GALNT13: variants seen among roughly 807,000 people sequenced by gnomAD.
GALNT13 encodes the protein UDP-GalNAc:polypeptide N-acetylgalactosaminyltransferase 13.
A neutral mutation model predicts 64.2 loss-of-function variants in GALNT13; 28 were observed. The observed-to-expected ratio is 0.44, with a 90% CI of 0.32 to 0.60. GALNT13 has a LOEUF of 0.60. GALNT13 is among the 20% of genes least tolerant of loss of function. The probability of loss-of-function intolerance (pLI) is 0.05; values close to 1 mark genes in which losing one functional copy is unlikely to be tolerated. For synonymous variants in GALNT13, 214 were observed against 224.6 expected (o/e 0.95, Z 0.42); for missense variants, 577 against 669.8 (o/e 0.86, Z 1.53).
At chr2:153,238,280 T>G in the GALNT13 span, among the ~76,000 whole-genome samples, 1 of 152,066 alleles carries the variant, frequency 6.6e-6, no homozygotes, top group African/African-American at 2.4e-5. Context: ...ATTCTGTGGG[T>G]GGTTCTCTTC....
chr2:153,382,677 G>C, the GALNT13 span, among the ~76,000 whole-genome samples: 2 of 151,876 alleles, frequency 1.3e-5, no homozygotes, highest in Non-Finnish European at 2.9e-5. Flanking sequence ...TTTTTTACTG[G>C]TTGTGTAACT....
intron 3 of GALNT13, among the ~76,000 whole-genome samples, chr2:154,098,248 G>A (rs2105456302): frequency 6.6e-6 from 1 of 151,912 alleles, no homozygotes; most frequent in Admixed American, 6.6e-5. Flanking sequence ...ATGGTTATGA[G>A]GTTAACATCT....
At chr2:154,210,812 TAAGA>T (rs956489065) in intron 4 of GALNT13, among the ~76,000 whole-genome samples, 2 of 152,100 alleles carry the variant, frequency 1.3e-5, no homozygotes, top group Non-Finnish European at 2.9e-5. Flanking sequence ...TGGTTTTAGC[TAAGA>T]AAGTATAGTG....
intron 2 of GALNT13, among the ~76,000 whole-genome samples, chr2:153,905,459 A>T (rs1181815512): frequency 2.0e-5 from 3 of 152,030 alleles, no homozygotes; most frequent in Non-Finnish European, 4.4e-5. Context: ...ATAATAAAAT[A>T]GAACAATTAT....
At chr2:153,812,396 T>C in the GALNT13 span, among the ~76,000 whole-genome samples, 2 of 152,180 alleles carry the variant, frequency 1.3e-5, no homozygotes, top group Non-Finnish European at 2.9e-5. Flanking sequence ...CCTTAATCCT[T>C]TATGTAAAAT....
intron 9 of GALNT13, among the ~76,000 whole-genome samples, chr2:154,383,909 G>A (rs1355853582): frequency 6.6e-6 from 1 of 151,734 alleles, no homozygotes; most frequent in African/African-American, 2.4e-5. Flanking sequence ...ATATATATGT[G>A]TGTCAGAGAG....
chr2:154,358,708 A>G (rs772431145), intron 9 of GALNT13, among the ~76,000 whole-genome samples: 1 of 152,070 alleles, frequency 6.6e-6, no homozygotes, highest in Admixed American at 6.6e-5. Flanking sequence ...TGATTTACAA[A>G]TGCACATGAT....
chr2:154,139,606 C>G (rs1201766287), intron 3 of GALNT13, among the ~76,000 whole-genome samples: 2 of 140,296 alleles, frequency 1.4e-5, no homozygotes, highest in Non-Finnish European at 3.1e-5. Context: ...AGCATGCATA[C>G]AGGTATGTGT....
At chr2:153,720,632 G>GA in the GALNT13 span, among the ~76,000 whole-genome samples, 10 of 151,690 alleles carry the variant, frequency 6.6e-5, no homozygotes, top group African/African-American at 2.4e-4. Context: ...TGATCGAGCT[G>GA]AAAACCAAGG....
chr2:153,330,354 A>C, the GALNT13 span, among the ~76,000 whole-genome samples: 1 of 152,226 alleles, frequency 6.6e-6, no homozygotes, highest in Non-Finnish European at 1.5e-5. Flanking sequence ...TTGAATCTGT[A>C]GATTTCATTG....
intron 4 of GALNT13, among the ~76,000 whole-genome samples, chr2:154,224,532 G>T (rs188489156): frequency 7.9e-5 from 12 of 152,078 alleles, no homozygotes; most frequent in African/African-American, 2.4e-4. Flanking sequence ...GATATTAAAA[G>T]ATAGTATAAA....
At chr2:154,331,312 A>G (rs1352675437) in intron 9 of GALNT13, among the ~76,000 whole-genome samples, 3 of 151,984 alleles carry the variant, frequency 2.0e-5, no homozygotes, top group East Asian at 1.9e-4. Flanking sequence ...CCCTATGTCT[A>G]TTAAAAGCAC....
At chr2:153,221,597 G>T in the GALNT13 span, among the ~76,000 whole-genome samples, 3 of 152,164 alleles carry the variant, frequency 2.0e-5, no homozygotes, top group Admixed American at 2.0e-4. Flanking sequence ...GGCCTGCTTG[G>T]CTCATTCTGC....
chr2:154,306,621 G>GGGT (rs1553512835), intron 9 of GALNT13, among the ~76,000 whole-genome samples: 2 of 150,136 alleles, frequency 1.3e-5, no homozygotes, highest in Non-Finnish European at 3.0e-5. Context: ...AATTTGGTGG[G>GGGT]GGGGGGGTCA....
chr2:153,700,720 C>T, the GALNT13 span, among the ~76,000 whole-genome samples: 1 of 152,220 alleles, frequency 6.6e-6, no homozygotes, highest in Admixed American at 6.5e-5. Context: ...AGAGCCAAAT[C>T]ATGAACGATC....
intron 2 of GALNT13, among the ~76,000 whole-genome samples, chr2:153,917,873 G>A (rs1689490363): frequency 6.7e-6 from 1 of 149,288 alleles, no homozygotes; most frequent in Admixed American, 6.9e-5. Flanking sequence ...AGAAAAAAGA[G>A]GCAGAATGTC....
intron 3 of GALNT13, among the ~76,000 whole-genome samples, chr2:154,083,147 A>G (rs1479655574): frequency 6.6e-6 from 1 of 152,040 alleles, no homozygotes; most frequent in Non-Finnish European, 1.5e-5. Flanking sequence ...CAGTTTTCCC[A>G]ACACCATTTA....
chr2:153,176,573 A>G, the GALNT13 span, among the ~76,000 whole-genome samples: 6 of 152,126 alleles, frequency 3.9e-5, no homozygotes, highest in African/African-American at 1.4e-4. Context: ...GGACTCAAAG[A>G]TGGTTAATTG....
chr2:153,970,525 A>T (rs1693669331), intron 3 of GALNT13, among the ~76,000 whole-genome samples: 1 of 152,140 alleles, frequency 6.6e-6, no homozygotes, highest in Non-Finnish European at 1.5e-5. Flanking sequence ...GATCTCTTTG[A>T]ATATATTGTT....
Sources: allele counts gnomAD v4.1 joint callset (sites outside exome capture counted in the v4.1 genomes callset), GRCh38; gene constraint gnomAD v4.1.1; transcripts MANE v1.5; gene names NCBI Gene and HGNC (gene_info 2026-07-23, HGNC 2026-07-21).